CLDN25: variants seen among roughly 807,000 people sequenced by gnomAD.
CLDN25 encodes the protein claudin-25.
For missense variants in CLDN25, 286 were observed against 279.7 expected (o/e 1.02, Z -0.16); for synonymous variants, 117 against 112.7 (o/e 1.04, Z -0.24).
chr11:113,780,255 C>T (rs758610171), exon 1 of CLDN25: 7 of 1,613,928 alleles, frequency 4.3e-6, no homozygotes, highest in Non-Finnish European at 5.9e-6. Context: ...TGACAGCATC[C>T]CTGACATCAT....
chr11:113,780,146 G>A (rs1937802301), exon 1 of CLDN25: 1 of 1,613,890 alleles, frequency 6.2e-7, no homozygotes, highest in African/African-American at 1.3e-5. Flanking sequence ...TCAAGAGGCG[G>A]CTTGGTCTCC....
chr11:113,779,887 C>T lies in CLDN25; in HGVS notation c.92C>T (p.Pro31Leu), dbSNP rs1015858364. 38 of 1,613,890 alleles carry T rather than the reference C, an allele frequency of 2.4e-5. No individual in the cohort carries two copies. The highest frequency in any genetic ancestry group is 3.1e-5 in the Non-Finnish European group (36 of 1,179,894). ...TGCTCCTGTGTTACCACCATCCTGC[C>T]CCAGTGGAAGACTCTTAATCTGGAA... The change falls in exon 1 of 1, where the codon CCC becomes CTC. Residue 31 changes from proline (P) to leucine (L), a missense_variant. Transcript: ENST00000453129.
rs772732542 is a variant in CLDN25, at chr11:113,780,089, C to A, written c.294C>A (p.Cys98Ter). The stretch of plus-strand genomic sequence containing the variant: ...TGGGCCTATTGGGGCTTTTGCTCTG[C>A]AGCTTTGGGTCTGAATGCTTCCAGT... Residue 98 changes from cysteine (C) to a stop codon, truncating the protein, a stop_gained, in exon 1 of 1, where the codon TGC (cysteine) becomes TGA (stop). Transcript: ENST00000453129. LOFTEE classifies it low-confidence loss of function (END_TRUNC). 6 of 1,613,896 alleles carry A rather than the reference C, an allele frequency of 3.7e-6. No homozygotes were observed. The African/African-American group carries it at 8.0e-5, about 22-fold the overall frequency.
chr11:113,780,161 A>G (rs1937802723), exon 1 of CLDN25: 2 of 1,613,922 alleles, frequency 1.2e-6, no homozygotes, highest in Non-Finnish European at 1.7e-6. Flanking sequence ...GTCTCCTGGG[A>G]AGGACTTTGG....
exon 1 of CLDN25, chr11:113,780,326 TCTTGGTGGGCTACTC>T: frequency 6.2e-7 from 1 of 1,613,770 alleles, no homozygotes; most frequent in South Asian, 1.1e-5. Flanking sequence ...TTTTCCTGGC[TCTTGGTGGGCTACTC>T]CTCATCTTCT....
At chr11:113,780,474 C>T (rs778206832) in exon 1 of CLDN25, 33 of 1,610,694 alleles carry the variant, frequency 2.0e-5, no homozygotes, top group Non-Finnish European at 2.6e-5. Context: ...ACCTAGGAAC[C>T]TGGTCATCTA....
exon 1 of CLDN25, chr11:113,780,186 G>C: frequency 6.2e-7 from 1 of 1,613,992 alleles, no homozygotes; most frequent in Non-Finnish European, 8.5e-7. Flanking sequence ...ATCCGCTTCA[G>C]CCACTACCCT....
exon 1 of CLDN25, chr11:113,780,014 G>C: frequency 6.2e-7 from 1 of 1,614,032 alleles, no homozygotes; most frequent in Non-Finnish European, 8.5e-7. Flanking sequence ...TCTTGTCTCT[G>C]CCCCAGGAGC....
chr11:113,780,325 C>T (rs765114746), exon 1 of CLDN25: 1 of 1,613,842 alleles, frequency 6.2e-7, no homozygotes, highest in South Asian at 1.1e-5. Flanking sequence ...ATTTTCCTGG[C>T]TCTTGGTGGG....
exon 1 of CLDN25, chr11:113,780,485 G>A: frequency 6.2e-7 from 1 of 1,605,438 alleles, no homozygotes; most frequent in East Asian, 2.2e-5. Context: ...TGGTCATCTA[G>A]GACTGGCTTC....
exon 1 of CLDN25, chr11:113,780,362 G>C: frequency 1.2e-6 from 2 of 1,613,862 alleles, no homozygotes; most frequent in Non-Finnish European, 1.7e-6. Context: ...CGGCCTGCCT[G>C]GGAAAAGAAG....
exon 1 of CLDN25, chr11:113,780,227 A>C: frequency 6.2e-7 from 1 of 1,613,856 alleles, no homozygotes; most frequent in Non-Finnish European, 8.5e-7. Flanking sequence ...CCCATGCCAC[A>C]ATCCAAGACT....
chr11:113,780,053 C>T (rs1162720947), exon 1 of CLDN25: 7 of 1,614,058 alleles, frequency 4.3e-6, no homozygotes, highest in Admixed American at 1.7e-5. Flanking sequence ...TCATGGTAGC[C>T]TCCCATGGGC....
exon 1 of CLDN25, chr11:113,780,380 T>A: frequency 6.2e-7 from 1 of 1,613,788 alleles, no homozygotes; most frequent in Non-Finnish European, 8.5e-7. Context: ...AAGATGTGCC[T>A]TTTCCTTTGA....
chr11:113,779,811 C>A (rs918393061), exon 1 of CLDN25: 2 of 1,610,628 alleles, frequency 1.2e-6, no homozygotes, highest in African/African-American at 1.3e-5. Flanking sequence ...CTGGAGTTTC[C>A]GTGCAAAAGT....
chr11:113,780,432 G>T lies in CLDN25; in HGVS notation c.637G>T (p.Glu213Ter), dbSNP rs2134913415. ...CCCCCTATCCTGTGCTCCAGTGGAG[G>T]AGTCAGATGGCTCCTTCCACCTCAT... The change falls in exon 1 of 1, where the codon GAG (glutamate) becomes TAG (stop). Residue 213 changes from glutamate to a stop codon, truncating the protein, a stop_gained. Transcript: ENST00000453129. LOFTEE classifies it low-confidence loss of function (END_TRUNC). 6.2e-7 allele frequency: 1 copy of T among 1,613,878 alleles called. No homozygotes were observed.
chr11:113,780,125 C>T, exon 1 of CLDN25: 1 of 1,613,998 alleles, frequency 6.2e-7, no homozygotes, highest in Non-Finnish European at 8.5e-7. Flanking sequence ...TTCACAGGAT[C>T]AGATGGGTAT....
At chr11:113,780,115 T>C (rs1937801899) in exon 1 of CLDN25, 2 of 1,613,986 alleles carry the variant, frequency 1.2e-6, no homozygotes, top group Non-Finnish European at 1.7e-6. Flanking sequence ...TGCTTCCAGT[T>C]TCACAGGATC....
exon 1 of CLDN25, chr11:113,779,866 C>T: frequency 6.2e-7 from 1 of 1,614,014 alleles, no homozygotes. Context: ...TGGGTCTGCT[C>T]CTGTGTTACC....
Sources: gnomAD v4.1 joint callset for allele counts on GRCh38, gnomAD v4.1.1 for gene constraint, MANE v1.5 for transcripts, NCBI Gene and HGNC (gene_info 2026-07-23, HGNC 2026-07-21) for gene names.